Variants in FREY1 observed in about 807,000 individuals in gnomAD.
The protein encoded by FREY1 is protein Frey 1.
the FREY1 span, chr11:45,907,192 GAAGAGGCTGA>G: frequency 6.4e-7 from 1 of 1,557,024 alleles, no homozygotes; most frequent in Non-Finnish European, 8.7e-7. Flanking sequence ...TGAGGTGGAG[GAAGAGGCTGA>G]GCCCAGCCCG....
chr11:45,906,823 T>A, the FREY1 span: 1 of 1,611,734 alleles, frequency 6.2e-7, no homozygotes, highest in Non-Finnish European at 8.5e-7. Flanking sequence ...TAGGGGCGTC[T>A]CCACTGTCAG....
chr11:45,906,896 A>AGAG, the FREY1 span: 1 of 1,613,862 alleles, frequency 6.2e-7, no homozygotes, highest in Non-Finnish European at 8.5e-7. Context: ...AGTGGCTGCG[A>AGAG]GAGTTCCAGG....
chr11:45,906,918 T>A, the FREY1 span: 1 of 1,613,682 alleles, frequency 6.2e-7, no homozygotes, highest in Non-Finnish European at 8.5e-7. Context: ...GGGCGGAAAA[T>A]GCCTCAGGAA....
the FREY1 span, chr11:45,906,987 C>T: frequency 1.2e-5 from 20 of 1,605,020 alleles, no homozygotes; most frequent in South Asian, 4.4e-5. Flanking sequence ...AGAAGGCCAC[C>T]GCCACCTCCT....
the FREY1 span, chr11:45,906,719 T>G: frequency 3.8e-6 from 6 of 1,574,940 alleles, no homozygotes; most frequent in Non-Finnish European, 5.2e-6. Context: ...GCATGGGTGG[T>G]AGGGGGCAGC....
chr11:45,906,693 AAAG>A, the FREY1 span: 1 of 1,579,334 alleles, frequency 6.3e-7, no homozygotes, highest in Non-Finnish European at 8.6e-7. Flanking sequence ...GCCATAGTCT[AAAG>A]AGAGAAAAGA....
the FREY1 span, chr11:45,906,585 T>C: frequency 1.2e-5 from 19 of 1,565,490 alleles, no homozygotes; most frequent in African/African-American, 9.6e-5. Flanking sequence ...GTGTGCATCA[T>C]AGTAATACTC....
chr11:45,906,864 A>G, the FREY1 span: 2 of 1,613,816 alleles, frequency 1.2e-6, no homozygotes, highest in Non-Finnish European at 8.5e-7. Context: ...CAAGAGAGAT[A>G]CTACCATCCA....
chr11:45,906,668 G>A, the FREY1 span: 4 of 1,589,686 alleles, frequency 2.5e-6, no homozygotes, highest in Non-Finnish European at 3.4e-6. Context: ...GCGGCCTTGG[G>A]TGCTTGGGGA....
chr11:45,906,786 C>T, the FREY1 span: 5 of 1,606,080 alleles, frequency 3.1e-6, no homozygotes, highest in South Asian at 4.4e-5. Context: ...ATGACAAGCC[C>T]CTGAAGGCTG....
At chr11:45,906,617 C>T in the FREY1 span, 7 of 1,589,716 alleles carry the variant, frequency 4.4e-6, no homozygotes, top group Non-Finnish European at 3.4e-6. Context: ...GCCCGTCCCG[C>T]TTGCGCTGCT....
chr11:45,907,159 G>T, the FREY1 span: 1 of 1,556,894 alleles, frequency 6.4e-7, no homozygotes. Flanking sequence ...GAGGCTGGGA[G>T]CGAAGCAGTG....
chr11:45,906,677 GA>G, the FREY1 span: 5 of 1,586,876 alleles, frequency 3.2e-6, no homozygotes, highest in East Asian at 9.0e-5. Flanking sequence ...GGTGCTTGGG[GA>G]GGATGCCATA....
the FREY1 span, chr11:45,906,687 T>C: frequency 6.3e-7 from 1 of 1,582,686 alleles, no homozygotes; most frequent in South Asian, 1.1e-5. Flanking sequence ...GAGGATGCCA[T>C]AGTCTAAAGA....
the FREY1 span, chr11:45,907,109 G>A: frequency 1.3e-6 from 2 of 1,542,962 alleles, no homozygotes; most frequent in Non-Finnish European, 1.8e-6. Flanking sequence ...CCACCATCCG[G>A]CCCAAGTGCC....
chr11:45,906,607 G>T, the FREY1 span: 1 of 1,584,394 alleles, frequency 6.3e-7, no homozygotes, highest in East Asian at 2.3e-5. Context: ...GCAAGGTCGG[G>T]CCCGTCCCGC....
chr11:45,906,596 G>C, the FREY1 span: 6 of 1,573,168 alleles, frequency 3.8e-6, no homozygotes, highest in Middle Eastern at 8.5e-4. Context: ...AGTAATACTC[G>C]GCAAGGTCGG....
At chr11:45,906,884 A>G in the FREY1 span, 1 of 1,613,858 alleles carries the variant, frequency 6.2e-7, no homozygotes, top group South Asian at 1.1e-5. Flanking sequence ...ACCAGGCCGG[A>G]AAGTGGCTGC....
the FREY1 span, chr11:45,907,019 G>A: frequency 6.4e-7 from 1 of 1,571,714 alleles, no homozygotes; most frequent in Non-Finnish European, 8.7e-7. Flanking sequence ...GGATGGCTCA[G>A]TGTGGGGGCA....
Sources: gnomAD v4.1 joint callset for allele counts on GRCh38, gnomAD v4.1.1 for gene constraint, MANE v1.5 for transcripts, NCBI Gene and HGNC (gene_info 2026-07-23, HGNC 2026-07-21) for gene names.